The following SIM2 variants were observed in gnomAD, a reference collection of about 807,000 sequenced individuals.
The protein encoded by SIM2 is single-minded homolog 2.
In SIM2, 28 loss-of-function variants were observed where a neutral mutation model predicts 64.8. That is an observed-to-expected ratio of 0.43 (90% CI 0.32 to 0.59). The LOEUF (loss-of-function observed/expected upper bound fraction) is 0.59, where lower values mean the gene tolerates loss of function less well. SIM2 is among the 20% of genes least tolerant of loss of function. The pLI is 0.07. For missense variants in SIM2, 847 were observed against 871.4 expected (o/e 0.97, Z 0.35); for synonymous variants, 408 against 391.1 (o/e 1.04, Z -0.51).
chr21:36,708,216 T>G (rs2088616347), intron 1 of SIM2, among the ~76,000 whole-genome samples: 1 of 152,082 alleles, frequency 6.6e-6, no homozygotes, highest in Non-Finnish European at 1.5e-5. Flanking sequence ...GCTCGGGGGT[T>G]GTCCCAGCCC....
chr21:36,712,686 G>A (rs2088693465), intron 3 of SIM2, 64 bp downstream of exon 3: 1 of 1,093,382 alleles, frequency 9.1e-7, no homozygotes, highest in South Asian at 1.3e-5. Flanking sequence ...GATTTTGACA[G>A]CCTCACCCAA....
chr21:36,714,111 C>A (rs2088712627), intron 3 of SIM2, among the ~76,000 whole-genome samples: 1 of 152,200 alleles, frequency 6.6e-6, no homozygotes, highest in Non-Finnish European at 1.5e-5. Context: ...ACCTTTGCAC[C>A]AACCTACTAT....
At chr21:36,717,605 G>A (rs1018772898) in intron 3 of SIM2, among the ~76,000 whole-genome samples, 10 of 151,918 alleles carry the variant, frequency 6.6e-5, no homozygotes, top group Middle Eastern at 6.8e-3. Context: ...ATGCCACCAC[G>A]CCCGGCTAAT....
At position 36,699,776 on chromosome 21, in the gene SIM2, G is replaced by T; in HGVS notation, c.30G>T (p.Lys10Asn). 6.2e-7 allele frequency: 1 copy of T among 1,613,044 alleles called. No homozygotes were observed. The highest frequency in any genetic ancestry group is 8.5e-7 in the Non-Finnish European group (1 of 1,179,432). Residue 10 changes from lysine to asparagine, a missense_variant, in exon 1 of 11, where the codon AAG (lysine) becomes AAT (asparagine). Lys to Asn is a moderately conservative substitution (Grantham distance 94). This residue lies in a region of SIM2 where 397 missense variants were observed against 439.2 expected (regional missense o/e 0.90). Coordinates refer to ENST00000290399, the MANE Select transcript of SIM2 (RefSeq NM_005069.6). This position sits in a 1 kb window ranked among gnomAD's most constrained non-coding sequence, Gnocchi z 5.6. Reference protein sequence around the residue: MKEKSKNAAKTRREKENGEF... With the variant: MKEKSKNAANTRREKENGEF... ...AGGAGAAGTCCAAGAATGCGGCCAAGACCAGGAGGGAGAAGGAAAATGGCG... is the reference window on the plus strand; with the variant it reads ...AGGAGAAGTCCAAGAATGCGGCCAATACCAGGAGGGAGAAGGAAAATGGCG...
chr21:36,725,533 A>T (rs2088878655), intron 5 of SIM2, among the ~76,000 whole-genome samples: 1 of 152,168 alleles, frequency 6.6e-6, no homozygotes. Flanking sequence ...CAGTGAGCTC[A>T]TATGTATATC....
At position 36,712,750 on chromosome 21, in the gene SIM2, A is replaced by C. The variant is rs140712540; in HGVS notation, c.348+128A>C. The C allele has an allele frequency of 7.6e-3, 4,715 of 622,972 alleles. 29 individuals are homozygous for C. Among genetic ancestry groups the C allele is most frequent in the Non-Finnish European group, 8.2e-3 (2,916 of 353,848 alleles). The allele number at this position is 622,972 out of a possible 1,614,324, so 38.6% of individuals were successfully genotyped here. On this transcript the variant is annotated intron_variant, in intron 3 of 10. Coordinates refer to ENST00000290399, the MANE Select transcript of SIM2 (RefSeq NM_005069.6). ...CTTTTGTGTAAGAACATAACCCTAA[A>C]TTGCAAAATCCTCTTCTCAGGACAT... is the stretch of plus-strand genomic sequence containing the variant.
At chr21:36,746,717 G>A (rs747782797) in intron 10 of SIM2, among the ~76,000 whole-genome samples, 2 of 152,108 alleles carry the variant, frequency 1.3e-5, no homozygotes, top group Non-Finnish European at 2.9e-5. Context: ...TGAACATCTT[G>A]GGCCCCTCAT....
rs2088885202 is a variant in SIM2, at chr21:36,726,021, G to A, written c.544-98G>A. 2 of 980,878 alleles carry A rather than the reference G, an allele frequency of 2.0e-6. No homozygotes were observed. Among genetic ancestry groups the A allele is most frequent in the Admixed American group, 3.6e-5 (2 of 55,690 alleles). 60.8% of individuals were successfully genotyped at this position (980,878 alleles called of 1,614,324 possible). ...CGCACAGTGGAGTAGAGGCTGGGCT[G>A]GGAGATATTCTAGCATGTTTGAGAA... On this transcript the variant is annotated intron_variant, in intron 5 of 10. Coordinates refer to ENST00000290399, the MANE Select transcript of SIM2 (RefSeq NM_005069.6). The surrounding 1 kb of genome is among the most constrained non-coding windows in gnomAD (Gnocchi z 4.5).
At position 36,743,551 on chromosome 21, in the gene SIM2, C is replaced by G. The variant is rs370355073; in HGVS notation, c.1163C>G (p.Pro388Arg). Residue 388 changes from proline to arginine, a missense_variant, in exon 9 of 11, where the codon CCA (proline) becomes CGA (arginine). Around this residue, in one of 3 missense-constraint regions of SIM2, gnomAD observed 447 missense variants for 414.6 expected, o/e 1.08. Coordinates refer to ENST00000290399, the MANE Select transcript of SIM2 (RefSeq NM_005069.6). The stretch of plus-strand genomic sequence containing the variant: ...AAGCTGAGAACAAACCCTTACCCCC[C>G]ACAGGTAACACGCATGTCCTGCAGT... ...KTKLRTNPYPPQQYSSFQMDK... is the reference protein window; with the variant it reads ...KTKLRTNPYPRQQYSSFQMDK... 15 of 1,613,136 alleles carry G rather than the reference C, an allele frequency of 9.3e-6. No homozygotes were observed. In the East Asian group the frequency reaches 1.3e-4, roughly 14 times the overall value.
At chr21:36,716,121 C>A (rs13049966) in intron 3 of SIM2, among the ~76,000 whole-genome samples, 1 of 152,188 alleles carries the variant, frequency 6.6e-6, no homozygotes, top group African/African-American at 2.4e-5. Flanking sequence ...TTTCTATCTA[C>A]GTGGATGAGG....
At chr21:36,712,766 C>T (rs1412162366) in intron 3 of SIM2, 144 bp downstream of exon 3, 3 of 599,260 alleles carry the variant, frequency 5.0e-6, no homozygotes, top group East Asian at 5.6e-5. Flanking sequence ...AAATCCTCTT[C>T]TCAGGACATC....
chr21:36,699,411 C>T lies in SIM2; in HGVS notation c.-336C>T. 1 of 175,300 alleles carries T rather than the reference C, an allele frequency of 5.7e-6. No homozygotes were observed. Among genetic ancestry groups the T allele is most frequent in the Non-Finnish European group, 1.2e-5 (1 of 85,032 alleles). 10.9% of individuals were successfully genotyped at this position (175,300 alleles called of 1,614,324 possible). ...AGCGCCTCCGCCTCCGCGCCGGCCG[C>T]CCCCACCCCCCAGGAAGGCCGAGGC... is the stretch of plus-strand genomic sequence containing the variant. On this transcript the variant is annotated 5_prime_UTR_variant, in exon 1 of 11. Coordinates refer to ENST00000290399, the MANE Select transcript of SIM2 (RefSeq NM_005069.6). The surrounding 1 kb of genome is among the most constrained non-coding windows in gnomAD (Gnocchi z 5.6).
In SIM2 at chr21:36,741,811, C is replaced by T. The variant is rs754419348; in HGVS notation, c.945C>T (p.His315=). 2.5e-6 allele frequency: 4 copies of T among 1,610,022 alleles called. No homozygotes were observed. Among genetic ancestry groups the T allele is most frequent in the Non-Finnish European group, 3.4e-6 (4 of 1,178,878 alleles). ...VWVQSYATVV[H]NSRSSRPHCI... ...TGCAGAGCTACGCCACCGTGGTGCA[C>T]AACAGCCGCTCGTCCCGGCCCCACT... Residue 315 remains histidine, a synonymous_variant, in exon 8 of 11, where the codon CAC becomes CAT. Transcript: ENST00000290399.
At chr21:36,708,641 G>A (rs981285363) in intron 1 of SIM2, among the ~76,000 whole-genome samples, 1 of 152,168 alleles carries the variant, frequency 6.6e-6, no homozygotes, top group Non-Finnish European at 1.5e-5. Context: ...CGTGTAGGGG[G>A]TTTTTTATGC....
Position 36,747,842 on chromosome 21 carries a change from C to A in SIM2, c.1754C>A (p.Thr585Asn), listed in dbSNP as rs1051594087. Residue 585 changes from threonine to asparagine, a missense_variant, in exon 11 of 11, where the codon ACC (threonine) becomes AAC (asparagine). Physicochemically the swap from Thr to Asn is moderately conservative, Grantham distance 65. Coordinates refer to ENST00000290399, the MANE Select transcript of SIM2 (RefSeq NM_005069.6). This position sits in a 1 kb window ranked among gnomAD's most constrained non-coding sequence, Gnocchi z 4.5. ...RAAPECCAPP[T>N]PEAPGAPAQL... Reference sequence around the variant, plus strand: ...GCACCCGAGTGCTGCGCGCCCCCGACCCCCGAGGCCCCGGGCGCGCCGGCG... The same window carrying A: ...GCACCCGAGTGCTGCGCGCCCCCGAACCCCGAGGCCCCGGGCGCGCCGGCG... The A allele has an allele frequency of 1.2e-5, 12 of 1,035,076 alleles. No homozygotes were observed. The highest frequency in any genetic ancestry group is 9.5e-5 in the South Asian group (3 of 31,590). 64.1% of individuals were successfully genotyped at this position (1,035,076 alleles called of 1,614,324 possible).
At chr21:36,730,941 G>A (rs987831332) in intron 6 of SIM2, 104 bp from the exon 7 acceptor site, 20 of 780,754 alleles carry the variant, frequency 2.6e-5, no homozygotes, top group East Asian at 2.5e-4. Flanking sequence ...AACATTTCCC[G>A]CCTGAGCCTT....
chr21:36,747,997 C>T lies in SIM2; in HGVS notation c.1909C>T (p.Arg637Trp). The T allele has an allele frequency of 1.8e-6, 2 of 1,100,542 alleles. No individual in the cohort carries two copies. Among genetic ancestry groups the T allele is most frequent in the Non-Finnish European group, 2.2e-6 (2 of 905,346 alleles). 68.2% of individuals were successfully genotyped at this position (1,100,542 alleles called of 1,614,324 possible). A position where few individuals can be genotyped will look rare whatever the true frequency, so the allele number is the denominator to read the frequency against. Residue 637 changes from arginine to tryptophan, a missense_variant, in exon 11 of 11, where the codon CGG (arginine) becomes TGG (tryptophan). Coordinates refer to ENST00000290399, the MANE Select transcript of SIM2 (RefSeq NM_005069.6). This position sits in a 1 kb window ranked among gnomAD's most constrained non-coding sequence, Gnocchi z 4.5. ...CCCCGAGGCGGCGACCGGCGCGCTG[C>T]GGCTCCGGCACCCGAGCCCCGCCGC... ...GGPEAATGAL[R>W]LRHPSPAATS...
chr21:36,724,586 G>C (rs2088865995), intron 5 of SIM2, among the ~76,000 whole-genome samples: 1 of 152,172 alleles, frequency 6.6e-6, no homozygotes, highest in Non-Finnish European at 1.5e-5. Context: ...GATGGGACTT[G>C]GGTCTTGACT....
Position 36,723,109 on chromosome 21 carries a change from C to T in SIM2, c.522C>T (p.Gly174=). The T allele has an allele frequency of 6.2e-7, 1 of 1,614,036 alleles. No individual in the cohort carries two copies. Among genetic ancestry groups the T allele is most frequent in the Non-Finnish European group, 8.5e-7 (1 of 1,179,970 alleles). Residue 174 remains glycine, a synonymous_variant, in exon 5 of 11, where the codon GGC becomes GGT. Transcript: ENST00000290399. ...GTGTCTTGGCGAAAAGGAACGCGGG[C>T]CTGACCTGCAGCGGATACAAGGTAC... ...MKCVLAKRNA[G]LTCSGYKVIH...
Sources: gnomAD v4.1 joint callset for allele counts (sites outside exome capture counted in the v4.1 genomes callset) on GRCh38, gnomAD v4.1.1 for gene constraint, gnomAD v4.1.1 regional missense constraint, Gnocchi (gnomAD v3.1) non-coding constraint, MANE v1.5 for transcripts, NCBI Gene and HGNC (gene_info 2026-07-23, HGNC 2026-07-21) for gene names.